POLR3B: variants seen among roughly 807,000 people sequenced by gnomAD.
The protein encoded by POLR3B is RNA polymerase III subunit B.
A neutral mutation model predicts 147.4 loss-of-function variants in POLR3B; 96 were observed. The ratio of observed to expected loss-of-function variants is 0.65; its 90% CI spans 0.55 to 0.77. POLR3B has a LOEUF of 0.77. POLR3B is among the 30% of genes least tolerant of loss of function. The pLI is 0.00. For missense variants in POLR3B, 1,036 were observed against 1,413.5 expected (o/e 0.73, Z 4.28); for synonymous variants, 461 against 485.9 (o/e 0.95, Z 0.67).
chr12:106,387,777 A>G (rs1372573988), intron 9 of POLR3B, among the ~76,000 whole-genome samples: 1 of 152,222 alleles, frequency 6.6e-6, no homozygotes, highest in African/African-American at 2.4e-5. Context: ...CATATTTTCC[A>G]GTCTCTTTAA....
At chr12:106,380,164 A>G (rs755652861) in intron 9 of POLR3B, 25 bp downstream of exon 9, 1 of 1,238,876 alleles carries the variant, frequency 8.1e-7, no homozygotes, top group South Asian at 1.2e-5. Flanking sequence ...CTCTTCTGAA[A>G]ATTGTAAGAA....
At chr12:106,435,784 A>G (rs2037569062) in intron 16 of POLR3B, among the ~76,000 whole-genome samples, 1 of 152,156 alleles carries the variant, frequency 6.6e-6, no homozygotes, top group South Asian at 2.1e-4. Flanking sequence ...TAACAGTGAC[A>G]TTTTCTAGGT....
Position 106,463,572 on chromosome 12 carries a change from A to G in POLR3B, c.2665A>G (p.Arg889Gly). Reference sequence around the variant, plus strand: ...GATCAAAATGCTGCTGAGACAGACAAGGCGTCCAGAAATTGGAGACAAATT... The same window carrying G: ...GATCAAAATGCTGCTGAGACAGACAGGGCGTCCAGAAATTGGAGACAAATT... ...FLIKMLLRQT[R>G]RPEIGDKFSS... Residue 889 changes from arginine to glycine, a missense_variant, in exon 23 of 28, where the codon AGG (arginine) becomes GGG (glycine). Arg to Gly is a moderately radical substitution (Grantham distance 125). This residue lies in a region of POLR3B where 202 missense variants were observed against 272.8 expected (regional missense o/e 0.74). Coordinates refer to ENST00000228347, the MANE Select transcript of POLR3B (RefSeq NM_018082.6). 6.2e-7 allele frequency: 1 copy of G among 1,613,746 alleles called. No homozygotes were observed. The highest frequency in any genetic ancestry group is 8.5e-7 in the Non-Finnish European group (1 of 1,179,668).
intron 9 of POLR3B, among the ~76,000 whole-genome samples, chr12:106,385,485 A>C (rs1031810157): frequency 6.6e-6 from 1 of 152,220 alleles, no homozygotes; most frequent in African/African-American, 2.4e-5. Flanking sequence ...TTAGAAAAAA[A>C]ACAAAGGAAG....
intron 2 of POLR3B, among the ~76,000 whole-genome samples, chr12:106,365,990 AAC>A (rs1234231539): frequency 4.8e-4 from 73 of 152,268 alleles, no homozygotes; most frequent in Middle Eastern, 3.4e-3. Context: ...CATGGACAGT[AAC>A]ACACATGGAG....
intron 9 of POLR3B, among the ~76,000 whole-genome samples, chr12:106,386,879 C>T (rs963909748): frequency 2.0e-5 from 3 of 151,782 alleles, no homozygotes; most frequent in African/African-American, 2.4e-5. Context: ...TGCACTGCAG[C>T]CTGGGCAACA....
intron 23 of POLR3B, among the ~76,000 whole-genome samples, chr12:106,488,600 G>A (rs889948376): frequency 5.3e-5 from 8 of 152,206 alleles, no homozygotes; most frequent in African/African-American, 1.4e-4. Flanking sequence ...GAACATGGGT[G>A]TGGAATGTTC....
rs138416894 is a variant in POLR3B, at chr12:106,379,657, A to C, written c.615-374A>C. On this transcript the variant is annotated intron_variant, in intron 8 of 27. Transcript: ENST00000228347. ...AGTTTAAAAACTCGTATATAAATTCATTTCTTTTTAATTTCCTCATTATGT... is the reference window on the plus strand; with the variant it reads ...AGTTTAAAAACTCGTATATAAATTCCTTTCTTTTTAATTTCCTCATTATGT... 1.1e-3 allele frequency among the ~76,000 whole-genome samples: 169 copies of C among 152,314 alleles called. 2 individuals are homozygous for C. The highest frequency in any genetic ancestry group is 3.9e-3 in the African/African-American group (164 of 41,588).
intron 12 of POLR3B, among the ~76,000 whole-genome samples, chr12:106,422,497 A>G (rs1228898746): frequency 6.6e-6 from 1 of 152,180 alleles, no homozygotes; most frequent in Admixed American, 6.5e-5. Flanking sequence ...GCAGACTAAT[A>G]CAGTGCTCTT....
intron 9 of POLR3B, among the ~76,000 whole-genome samples, chr12:106,382,602 G>A (rs1490944032): frequency 6.6e-6 from 1 of 152,184 alleles, no homozygotes; most frequent in African/African-American, 2.4e-5. Context: ...AACTCTTGGT[G>A]ACTCAGTTCA....
At chr12:106,401,640 A>T (rs1157308440) in intron 10 of POLR3B, among the ~76,000 whole-genome samples, 1 of 152,242 alleles carries the variant, frequency 6.6e-6, no homozygotes, top group Non-Finnish European at 1.5e-5. Context: ...CATCCCTGGG[A>T]TGCAAGGCTG....
chr12:106,360,643 G>A (rs2036457317), intron 1 of POLR3B, among the ~76,000 whole-genome samples: 1 of 152,212 alleles, frequency 6.6e-6, no homozygotes, highest in Admixed American at 6.5e-5. Flanking sequence ...TGCCTGGTGT[G>A]TATTTTTTTG....
rs115056922 is a variant in POLR3B, at chr12:106,396,069, C to G, written c.846+2916C>G. ...TTTTACACCATCATTGTCTTGGGCT[C>G]TAGTATATAGAGAAGAAAGTACTAG... On this transcript the variant is annotated intron_variant, in intron 10 of 27. Coordinates refer to ENST00000228347, the MANE Select transcript of POLR3B (RefSeq NM_018082.6). 2.1e-3 allele frequency among the ~76,000 whole-genome samples: 322 copies of G among 152,196 alleles called. 1 individual carries two copies. Among genetic ancestry groups the G allele is most frequent in the African/African-American group, 7.4e-3 (306 of 41,538 alleles).
intron 19 of POLR3B, among the ~76,000 whole-genome samples, chr12:106,449,074 AT>A (rs896753882): frequency 5.3e-5 from 8 of 152,062 alleles, no homozygotes; most frequent in African/African-American, 1.9e-4. Flanking sequence ...CAGATTTTGG[AT>A]TTTTTTGATT....
At chr12:106,391,346 C>A (rs1314967678) in intron 9 of POLR3B, among the ~76,000 whole-genome samples, 1 of 152,166 alleles carries the variant, frequency 6.6e-6, no homozygotes, top group East Asian at 1.9e-4. Context: ...AGTCATCATA[C>A]GTGCCACCTT....
intron 9 of POLR3B, among the ~76,000 whole-genome samples, chr12:106,387,678 G>A (rs1286509316): frequency 4.6e-5 from 7 of 152,082 alleles, no homozygotes; most frequent in Non-Finnish European, 8.8e-5. Flanking sequence ...TTTCCATCTG[G>A]GAGGCAGCAT....
At chr12:106,393,789 CA>C (rs2136918069) in intron 10 of POLR3B, among the ~76,000 whole-genome samples, 1 of 151,822 alleles carries the variant, frequency 6.6e-6, no homozygotes, top group African/African-American at 2.4e-5. Context: ...CACACACACA[CA>C]CACACACACA....
chr12:106,466,710 T>C (rs911431525), intron 23 of POLR3B, among the ~76,000 whole-genome samples: 12 of 152,194 alleles, frequency 7.9e-5, no homozygotes, highest in Non-Finnish European at 1.6e-4. Context: ...AAATAGGGAA[T>C]TTTTTCCCCA....
At chr12:106,426,404 C>A (rs2037436228) in intron 12 of POLR3B, among the ~76,000 whole-genome samples, 1 of 152,068 alleles carries the variant, frequency 6.6e-6, no homozygotes, top group Admixed American at 6.6e-5. Context: ...GCACCCGCCA[C>A]CAGACCCGGC....
Sources: allele counts gnomAD v4.1 joint callset (sites outside exome capture counted in the v4.1 genomes callset), GRCh38; gene constraint gnomAD v4.1.1; regional missense constraint gnomAD v4.1.1; transcripts MANE v1.5; gene names NCBI Gene and HGNC (gene_info 2026-07-23, HGNC 2026-07-21).